NLGN1: variants seen among roughly 807,000 people sequenced by gnomAD.
The protein encoded by NLGN1 is neuroligin-1.
NLGN1 carries 12 observed loss-of-function variants against 65.5 expected under a neutral mutation model. That is an observed-to-expected ratio of 0.18 (90% CI 0.12 to 0.30). The LOEUF is 0.30. Among genes scored for constraint, NLGN1 ranks in the 10% least tolerant of loss-of-function variants. The pLI, the probability that NLGN1 is intolerant of heterozygous loss-of-function variation, is 1.00. For synonymous variants in NLGN1, 350 were observed against 359.5 expected, an observed-to-expected ratio of 0.97 and a Z score of 0.30; for missense variants, 750 against 1,007.1, an observed-to-expected ratio of 0.74 and a Z score of 3.46.
intron 4 of NLGN1, among the ~76,000 whole-genome samples, chr3:173,950,562 G>T (rs893670124): frequency 1.3e-5 from 2 of 151,942 alleles, no homozygotes; most frequent in East Asian, 3.9e-4. Flanking sequence ...CCTGTAATCC[G>T]AGCACTTTGG....
At chr3:173,714,440 G>T (rs190944584) in intron 3 of NLGN1, among the ~76,000 whole-genome samples, 3 of 152,132 alleles carry the variant, frequency 2.0e-5, no homozygotes, top group Admixed American at 2.0e-4. Flanking sequence ...TCTTAGGCTA[G>T]GAGAAATGGT....
chr3:173,422,133 A>G (rs2148700412), intron 1 of NLGN1, among the ~76,000 whole-genome samples: 1 of 142,750 alleles, frequency 7.0e-6, no homozygotes, highest in South Asian at 2.3e-4. Flanking sequence ...TACTATATAT[A>G]GTACACTATA....
chr3:174,035,331 T>A (rs1236856394), intron 4 of NLGN1, among the ~76,000 whole-genome samples: 1 of 152,182 alleles, frequency 6.6e-6, no homozygotes, highest in East Asian at 1.9e-4. Flanking sequence ...TAATTTTATA[T>A]TTCATTGATT....
chr3:173,938,656 T>A (rs762534584), intron 4 of NLGN1, among the ~76,000 whole-genome samples: 7 of 152,140 alleles, frequency 4.6e-5, no homozygotes, highest in Non-Finnish European at 7.4e-5. Context: ...AATGAGTAAT[T>A]AATCATTAAT....
At chr3:173,860,161 A>G (rs1728778940) in intron 4 of NLGN1, among the ~76,000 whole-genome samples, 5 of 151,776 alleles carry the variant, frequency 3.3e-5, no homozygotes, top group African/African-American at 9.7e-5. Flanking sequence ...TTAACTCACT[A>G]TTTCTAGTTT....
chr3:173,656,896 C>T (rs1392242654), intron 3 of NLGN1, among the ~76,000 whole-genome samples: 1 of 152,022 alleles, frequency 6.6e-6, no homozygotes, highest in Admixed American at 6.6e-5. Context: ...GCATACTACT[C>T]TGCAGGATTT....
intron 3 of NLGN1, among the ~76,000 whole-genome samples, chr3:173,795,121 CAT>C (rs887413213): frequency 5.3e-5 from 8 of 152,052 alleles, no homozygotes; most frequent in Non-Finnish European, 7.4e-5. Flanking sequence ...CCTTCCAAAA[CAT>C]GTGTACATAG....
chr3:173,834,520 A>G (rs115374128), intron 4 of NLGN1, among the ~76,000 whole-genome samples: 2,720 of 152,256 alleles, frequency 0.018, 105 homozygotes, highest in African/African-American at 0.062. Context: ...TTATTGGTTA[A>G]GTGAATTTTC....
intron 4 of NLGN1, among the ~76,000 whole-genome samples, chr3:174,011,947 T>C (rs1725640988): frequency 6.6e-6 from 1 of 152,142 alleles, no homozygotes; most frequent in East Asian, 1.9e-4. Context: ...TTTCAGCCTA[T>C]AACAACAAAA....
At chr3:174,197,175 T>C (rs1194561532) in intron 4 of NLGN1, among the ~76,000 whole-genome samples, 1 of 152,094 alleles carries the variant, frequency 6.6e-6, no homozygotes, top group Non-Finnish European at 1.5e-5. Flanking sequence ...ACATAGGATT[T>C]AAAAAGACAA....
chr3:173,802,510 A>G (rs538531258), intron 3 of NLGN1, among the ~76,000 whole-genome samples: 2 of 152,216 alleles, frequency 1.3e-5, no homozygotes, highest in Non-Finnish European at 2.9e-5. Context: ...ACAGGGGAAA[A>G]GAAACCTTTT....
chr3:174,028,955 T>C (rs1011577096), intron 4 of NLGN1, among the ~76,000 whole-genome samples: 1 of 151,994 alleles, frequency 6.6e-6, no homozygotes, highest in African/African-American at 2.4e-5. Context: ...GGGGCCAACA[T>C]AGAGCTCAGG....
intron 4 of NLGN1, among the ~76,000 whole-genome samples, chr3:173,847,103 A>G (rs1025605243): frequency 7.9e-5 from 12 of 152,172 alleles, no homozygotes; most frequent in African/African-American, 2.9e-4. Flanking sequence ...AAAAGTATAT[A>G]AAAGATGCCT....
At chr3:173,632,044 G>A (rs1163775504) in intron 3 of NLGN1, among the ~76,000 whole-genome samples, 2 of 151,924 alleles carry the variant, frequency 1.3e-5, no homozygotes, top group Non-Finnish European at 2.9e-5. Context: ...TTTAAATCTA[G>A]CAATACTAGG....
rs1344942589 is a variant in NLGN1 at position 174,247,763 on chromosome 3, G to T, written c.647-27552G>T. Among the ~76,000 whole-genome samples the T allele has an allele frequency of 1.9e-4, 29 of 152,128 alleles. 2 individuals carry two copies. The highest frequency in any genetic ancestry group is 1.9e-3 in the Admixed American group (29 of 15,274). Reference sequence around the variant, plus strand: ...AAACCAAAAACAGCCATCTCAGCTGGAAACCACCCTGGCTGTGAAAGACCA... The same window carrying T: ...AAACCAAAAACAGCCATCTCAGCTGTAAACCACCCTGGCTGTGAAAGACCA... On this transcript the variant is annotated intron_variant, in intron 4 of 6. Transcript: ENST00000457714.
At position 173,495,094 on chromosome 3, in the gene NLGN1, C is replaced by A. The variant is rs554319542; in HGVS notation, c.-321+60016C>A. On this transcript the variant is annotated intron_variant, in intron 2 of 6. Transcript: ENST00000457714. ...GTTGAATCTTTTGTAATTTGAGGAT[C>A]ATTACTATATTAACAGTGTTAAGTC... Among the ~76,000 whole-genome samples the A allele has an allele frequency of 1.8e-3, 279 of 151,844 alleles. 4 individuals are homozygous for A. The highest frequency in any genetic ancestry group is 6.5e-3 in the African/African-American group (270 of 41,248).
At chr3:174,210,850 T>G (rs947916353) in intron 4 of NLGN1, among the ~76,000 whole-genome samples, 9 of 152,216 alleles carry the variant, frequency 5.9e-5, no homozygotes, top group African/African-American at 2.2e-4. Context: ...GTACCTTTTC[T>G]AGGTTTAGAT....
chr3:174,291,375 C>T (rs1331395507), downstream of NLGN1, among the ~76,000 whole-genome samples: 1 of 150,994 alleles, frequency 6.6e-6, no homozygotes, highest in Non-Finnish European at 1.5e-5. Flanking sequence ...AATTTGATGT[C>T]ACATTTTCAA....
intron 2 of NLGN1, among the ~76,000 whole-genome samples, chr3:173,494,375 A>T (rs1729677950): frequency 6.7e-6 from 1 of 149,662 alleles, no homozygotes; most frequent in Non-Finnish European, 1.5e-5. Context: ...TGTTCTGCCC[A>T]TTTGTTTTAG....
Sources: allele counts gnomAD v4.1 joint callset (sites outside exome capture counted in the v4.1 genomes callset), GRCh38; gene constraint gnomAD v4.1.1; transcripts MANE v1.5; gene names NCBI Gene and HGNC (gene_info 2026-07-23, HGNC 2026-07-21).